Variants in CSMD1 observed in about 807,000 individuals in gnomAD.
CSMD1 encodes CUB and sushi domain-containing protein 1.
Under a neutral mutation model 417.5 loss-of-function variants are expected in CSMD1, and 213 were observed. That is an observed-to-expected ratio of 0.51 (90% CI 0.46 to 0.57). The LOEUF (loss-of-function observed/expected upper bound fraction) is 0.57. Ranked by LOEUF, CSMD1 falls within the 20% of genes least tolerant of loss-of-function variation. The probability of loss-of-function intolerance (pLI) is 0.00; values close to 1 mark genes in which losing one functional copy is unlikely to be tolerated. For missense variants in CSMD1, 6,923 were observed against 4,529.7 expected, an observed-to-expected ratio of 1.53 and a Z score of -15.17; for synonymous variants, 2,862 against 1,736.8, an observed-to-expected ratio of 1.65 and a Z score of -16.11.
At chr8:4,089,492 A>G (rs1278425301) in intron 3 of CSMD1, among the ~76,000 whole-genome samples, 3 of 152,190 alleles carry the variant, frequency 2.0e-5, no homozygotes, top group Non-Finnish European at 4.4e-5. Flanking sequence ...ACCATATAAA[A>G]AAGTGACACA....
intron 2 of CSMD1, among the ~76,000 whole-genome samples, chr8:4,601,605 C>T (rs1444747226): frequency 1.3e-5 from 2 of 152,118 alleles, no homozygotes; most frequent in Non-Finnish European, 2.9e-5. Flanking sequence ...TACTTTCCTG[C>T]CAGCCTTCAA....
intron 3 of CSMD1, among the ~76,000 whole-genome samples, chr8:4,271,264 G>A: frequency 6.6e-6 from 1 of 152,164 alleles, no homozygotes; most frequent in Non-Finnish European, 1.5e-5. Context: ...GGACCATGAA[G>A]CTGTAGGGGT....
intron 1 of CSMD1, among the ~76,000 whole-genome samples, chr8:4,987,289 T>C (rs183569248): frequency 7.5e-4 from 114 of 152,316 alleles, no homozygotes; most frequent in East Asian, 9.7e-4. Context: ...AAAGTTTACA[T>C]AGAGTGTTCA....
chr8:4,393,220 C>T (rs969369911), intron 3 of CSMD1, among the ~76,000 whole-genome samples: 2 of 152,114 alleles, frequency 1.3e-5, no homozygotes, highest in Non-Finnish European at 2.9e-5. Flanking sequence ...AATTGATCTA[C>T]CCACATCAGC....
At chr8:3,069,892 T>C (rs964302900) in intron 49 of CSMD1, among the ~76,000 whole-genome samples, 9 of 152,238 alleles carry the variant, frequency 5.9e-5, no homozygotes, top group African/African-American at 2.2e-4. Flanking sequence ...TTTTCATACA[T>C]ACTCCAAAAT....
chr8:4,073,038 G>A lies in CSMD1; in HGVS notation c.416-40939C>T, dbSNP rs111616940. Among the ~76,000 whole-genome samples, 538 of 152,252 alleles carry A rather than the reference G, an allele frequency of 3.5e-3. 4 individuals carry two copies. The highest frequency in any genetic ancestry group is 6.8e-3 in the Middle Eastern group (2 of 294). On this transcript the variant is annotated intron_variant, in intron 3 of 69. Transcript: ENST00000635120. ...ACCAACCCAATTATCACCTATAAGT[G>A]TAGCGTAGATGATAGTCAATATTCA...
intron 28 of CSMD1, among the ~76,000 whole-genome samples, chr8:3,223,486 C>T (rs946546526): frequency 1.3e-5 from 2 of 152,112 alleles, no homozygotes; most frequent in African/African-American, 2.4e-5. Flanking sequence ...TCATATGGGA[C>T]ACATTGTGTG....
In CSMD1 at chr8:3,743,935, T is replaced by C. The variant is rs564564788; in HGVS notation, c.931+9995A>G. Among the ~76,000 whole-genome samples, 14 of 152,252 alleles carry C rather than the reference T, an allele frequency of 9.2e-5. No homozygotes were observed. In the South Asian group the frequency reaches 1.9e-3, roughly 20 times the overall value. On this transcript the variant is annotated intron_variant, in intron 6 of 69. Coordinates refer to ENST00000635120, the MANE Select transcript of CSMD1 (RefSeq NM_033225.6). ...TGTCTTTGTCACCTTACATAAAAAA[T>C]TGGAGAATCACTGACCCAGACAGAG...
In CSMD1 at chr8:3,519,034, A is replaced by T. The variant is rs112304921; in HGVS notation, c.1345-25308T>A. Reference sequence around the variant, plus strand: ...AATTTGCAAGCTAACTTCTGTTTCTATCGCAACATTTTAAAAATCCTCTTA... The same window carrying T: ...AATTTGCAAGCTAACTTCTGTTTCTTTCGCAACATTTTAAAAATCCTCTTA... On this transcript the variant is annotated intron_variant, in intron 10 of 69. Coordinates refer to ENST00000635120, the MANE Select transcript of CSMD1 (RefSeq NM_033225.6). 3.7e-3 allele frequency among the ~76,000 whole-genome samples: 560 copies of T among 152,336 alleles called. 3 individuals carry two copies. Among genetic ancestry groups the T allele is most frequent in the African/African-American group, 0.013 (531 of 41,590 alleles).
intron 5 of CSMD1, among the ~76,000 whole-genome samples, chr8:3,871,109 T>A (rs549838990): frequency 6.6e-6 from 1 of 152,096 alleles, no homozygotes; most frequent in Non-Finnish European, 1.5e-5. Flanking sequence ...TTAATAGACA[T>A]CTAGAATATT....
At chr8:4,838,484 C>G (rs765733474) in intron 1 of CSMD1, among the ~76,000 whole-genome samples, 1 of 152,214 alleles carries the variant, frequency 6.6e-6, no homozygotes, top group South Asian at 2.1e-4. Flanking sequence ...ATGCTTCAAA[C>G]AAATGTGATT....
chr8:3,601,842 C>G (rs1016813327), intron 8 of CSMD1, among the ~76,000 whole-genome samples: 4 of 152,158 alleles, frequency 2.6e-5, no homozygotes, highest in African/African-American at 9.7e-5. Flanking sequence ...TTTCCCCCTA[C>G]GTCTTCACCA....
intron 1 of CSMD1, among the ~76,000 whole-genome samples, chr8:4,802,613 C>G (rs1026685990): frequency 6.6e-6 from 1 of 152,150 alleles, no homozygotes; most frequent in African/African-American, 2.4e-5. Context: ...CACAATGACT[C>G]TAGGTATCCT....
At chr8:3,712,677 G>C (rs1258322361) in intron 6 of CSMD1, among the ~76,000 whole-genome samples, 7 of 152,166 alleles carry the variant, frequency 4.6e-5, no homozygotes, top group South Asian at 2.1e-4. Flanking sequence ...AGCTTTGTTA[G>C]TCCAGTTATC....
chr8:3,163,020 C>T (rs35579105), intron 37 of CSMD1, among the ~76,000 whole-genome samples: 31,879 of 152,074 alleles, frequency 0.21, 3,845 homozygotes, highest in African/African-American at 0.33. Flanking sequence ...TATGCAGCTA[C>T]CATATTTTGT....
At chr8:4,098,729 C>T (rs1312872438) in intron 3 of CSMD1, among the ~76,000 whole-genome samples, 1 of 152,162 alleles carries the variant, frequency 6.6e-6, no homozygotes. Flanking sequence ...TTCCATTCAG[C>T]AATATTTATC....
chr8:3,090,316 C>CAAAAAAAAAAAAAA (rs35534326), intron 48 of CSMD1, among the ~76,000 whole-genome samples: 1 of 79,788 alleles, frequency 1.3e-5, no homozygotes, highest in African/African-American at 4.6e-5. Context: ...GACTGTATTT[C>CAAAAAAAAAAAAAA]AAAAAAAAAA....
intron 5 of CSMD1, among the ~76,000 whole-genome samples, chr8:3,764,340 GC>G (rs920523905): frequency 2.6e-5 from 4 of 152,114 alleles, no homozygotes; most frequent in African/African-American, 9.7e-5. Flanking sequence ...TGTGCTCCCT[GC>G]CCCTCTCTGC....
rs542819474 is a variant in CSMD1 at position 4,047,359 on chromosome 8, C to A, written c.416-15260G>T. ...TCTACCCAAAGCCCTTGGGAACGGT[C>A]CTGCTCATGGAATAGGAACAATCTT... On this transcript the variant is annotated intron_variant, in intron 3 of 69. Coordinates refer to ENST00000635120, the MANE Select transcript of CSMD1 (RefSeq NM_033225.6). 5.3e-5 allele frequency among the ~76,000 whole-genome samples: 8 copies of A among 152,204 alleles called. No individual in the cohort carries two copies. The South Asian group carries it at 1.7e-3, about 32-fold the overall frequency.
Sources: gnomAD v4.1 joint callset for allele counts (sites outside exome capture counted in the v4.1 genomes callset) on GRCh38, gnomAD v4.1.1 for gene constraint, MANE v1.5 for transcripts, NCBI Gene and HGNC (gene_info 2026-07-23, HGNC 2026-07-21) for gene names.